The following CPAP variants were observed in gnomAD, a reference collection of about 807,000 sequenced individuals.
The protein encoded by CPAP is centrosomal P4.1-associated protein.
At chr13:24,889,888 C>T in the CPAP span, among the ~76,000 whole-genome samples, 5 of 151,982 alleles carry the variant, frequency 3.3e-5, no homozygotes, top group African/African-American at 9.7e-5. Context: ...ACTACTTGCC[C>T]CAGCCCCCGC....
the CPAP span, chr13:24,910,054 T>G: frequency 1.9e-6 from 3 of 1,613,482 alleles, no homozygotes; most frequent in African/African-American, 2.7e-5. Flanking sequence ...GACCTGTGCT[T>G]CTGGCTCTGA....
chr13:24,912,055 T>C, the CPAP span: 2 of 1,613,714 alleles, frequency 1.2e-6, no homozygotes, highest in South Asian at 1.1e-5. Context: ...GCTTCTTCTG[T>C]TGTACTTCTT....
the CPAP span, chr13:24,885,765 T>TAAG: frequency 1.1e-6 from 1 of 872,688 alleles, no homozygotes; most frequent in Non-Finnish European, 1.9e-6. Context: ...TCCTGTGAAC[T>TAAG]GCTGTCCTTT....
the CPAP span, chr13:24,899,551 T>G: frequency 5.6e-6 from 9 of 1,613,982 alleles, no homozygotes; most frequent in Non-Finnish European, 7.6e-6. Flanking sequence ...CTAATTCTTT[T>G]GCTTTCTGTT....
At chr13:24,921,255 G>A in the CPAP span, among the ~76,000 whole-genome samples, 1 of 152,132 alleles carries the variant, frequency 6.6e-6, no homozygotes, top group Non-Finnish European at 1.5e-5. Flanking sequence ...TGGCCCACTC[G>A]GTAGGACCTG....
chr13:24,885,111 G>A, the CPAP span, among the ~76,000 whole-genome samples: 7 of 152,344 alleles, frequency 4.6e-5, no homozygotes, highest in African/African-American at 1.7e-4. Flanking sequence ...TAAGAACAAA[G>A]ATCATACAGA....
the CPAP span, among the ~76,000 whole-genome samples, chr13:24,897,941 G>C: frequency 6.6e-6 from 1 of 152,160 alleles, no homozygotes; most frequent in Admixed American, 6.5e-5. Flanking sequence ...TGTCACCCAG[G>C]CTGGAGTGCA....
At chr13:24,893,705 C>T in the CPAP span, among the ~76,000 whole-genome samples, 2 of 152,174 alleles carry the variant, frequency 1.3e-5, no homozygotes, top group Non-Finnish European at 2.9e-5. Flanking sequence ...CGGATTATGA[C>T]CAATAAAAGA....
chr13:24,883,567 TAATC>T, the CPAP span, among the ~76,000 whole-genome samples: 2 of 152,220 alleles, frequency 1.3e-5, no homozygotes, highest in Admixed American at 1.3e-4. Flanking sequence ...AGCATTGTTT[TAATC>T]ATTCATATTT....
At chr13:24,930,375 T>C in the CPAP span, among the ~76,000 whole-genome samples, 2 of 152,178 alleles carry the variant, frequency 1.3e-5, no homozygotes, top group Non-Finnish European at 2.9e-5. Context: ...AGGTATAATT[T>C]GTGTTGCTGA....
At chr13:24,884,128 A>C in the CPAP span, 1 of 1,588,418 alleles carries the variant, frequency 6.3e-7, no homozygotes, top group Non-Finnish European at 8.6e-7. Flanking sequence ...AAGGAAGGGA[A>C]GAATTTAATG....
chr13:24,929,875 T>C, the CPAP span, among the ~76,000 whole-genome samples: 1 of 151,328 alleles, frequency 6.6e-6, no homozygotes, highest in East Asian at 1.9e-4. Context: ...TTTAACCTGC[T>C]CAAATCTGTT....
chr13:24,906,170 T>C, the CPAP span: 4 of 1,613,864 alleles, frequency 2.5e-6, no homozygotes, highest in Non-Finnish European at 2.5e-6. Context: ...ATTTGTCTTC[T>C]GTGGCACAGC....
chr13:24,883,151 G>GTT, the CPAP span: 1 of 1,594,712 alleles, frequency 6.3e-7, no homozygotes, highest in Non-Finnish European at 8.6e-7. Context: ...GTCAGTTACT[G>GTT]TTACTTCATG....
the CPAP span, chr13:24,904,033 CA>C: frequency 5.0e-6 from 8 of 1,613,906 alleles, no homozygotes; most frequent in Non-Finnish European, 6.8e-6. Flanking sequence ...TTTTCTCTCT[CA>C]AAACCTGGGA....
the CPAP span, among the ~76,000 whole-genome samples, chr13:24,901,360 T>G: frequency 9.8e-5 from 15 of 152,292 alleles, no homozygotes; most frequent in African/African-American, 3.6e-4. Context: ...AATACAAACT[T>G]TAGCAGGTGA....
chr13:24,889,324 G>C, the CPAP span: 1 of 1,606,644 alleles, frequency 6.2e-7, no homozygotes, highest in Non-Finnish European at 8.5e-7. Flanking sequence ...ACCTTGCATT[G>C]GAAGATAATT....
At chr13:24,888,610 A>T in the CPAP span, among the ~76,000 whole-genome samples, 2 of 152,194 alleles carry the variant, frequency 1.3e-5, no homozygotes, top group Non-Finnish European at 2.9e-5. Context: ...GTTGCAGAGC[A>T]AAGGGAAAAC....
chr13:24,905,688 A>T, the CPAP span: 7 of 1,614,104 alleles, frequency 4.3e-6, no homozygotes, highest in Non-Finnish European at 5.9e-6. Context: ...CTTAGGGATG[A>T]GGATCTCGAG....
Sources: allele counts gnomAD v4.1 joint callset (sites outside exome capture counted in the v4.1 genomes callset), GRCh38; gene constraint gnomAD v4.1.1; transcripts MANE v1.5; gene names NCBI Gene and HGNC (gene_info 2026-07-23, HGNC 2026-07-21).